Variants in DUSP10 observed in about 807,000 individuals in gnomAD.
DUSP10 encodes dual specificity phosphatase 10.
Under a neutral mutation model 30.8 loss-of-function variants are expected in DUSP10, and 14 were observed. The ratio of observed to expected loss-of-function variants is 0.46; its 90% CI spans 0.30 to 0.71. The LOEUF (loss-of-function observed/expected upper bound fraction) is 0.71, where lower values mean the gene tolerates loss of function less well. Among genes scored for constraint, DUSP10 ranks in the 30% least tolerant of loss-of-function variants. DUSP10 has a pLI of 0.08. For missense variants in DUSP10, 550 were observed against 619.4 expected (o/e 0.89, Z 1.19); for synonymous variants, 254 against 250.4 (o/e 1.01, Z -0.14).
At chr1:221,733,192 C>T (rs1396516441) in intron 2 of DUSP10, among the ~76,000 whole-genome samples, 3 of 152,202 alleles carry the variant, frequency 2.0e-5, no homozygotes, top group Non-Finnish European at 4.4e-5. Context: ...AGGGTGTATG[C>T]ACCAGGAGTA....
intron 2 of DUSP10, among the ~76,000 whole-genome samples, chr1:221,717,270 C>T (rs1661133027): frequency 6.6e-6 from 1 of 151,942 alleles, no homozygotes; most frequent in South Asian, 2.1e-4. Flanking sequence ...TGGGGAGGCA[C>T]AATGACTGGG....
Position 221,702,266 on chromosome 1 carries a change from A to C in DUSP10, c.*146T>G. 9 of 920,878 alleles carry C rather than the reference A, an allele frequency of 9.8e-6. No homozygotes were observed. The South Asian group carries it at 1.5e-4, about 16-fold the overall frequency. 57.0% of individuals were successfully genotyped at this position (920,878 alleles called of 1,614,324 possible). On this transcript the variant is annotated 3_prime_UTR_variant, in exon 4 of 4. Coordinates refer to ENST00000366899, the MANE Select transcript of DUSP10 (RefSeq NM_007207.6). The surrounding 1 kb of genome is among the most constrained non-coding windows in gnomAD (Gnocchi z 4.5). The stretch of plus-strand genomic sequence containing the variant: ...AGTTATAGTCTTCTTACACTTGTTA[A>C]AAATAAAGTGTTTAAACAAGTTTGT...
chr1:221,729,404 G>C (rs898220760), intron 2 of DUSP10, among the ~76,000 whole-genome samples: 1 of 152,212 alleles, frequency 6.6e-6, no homozygotes, highest in South Asian at 2.1e-4. Flanking sequence ...TAAGGAATGA[G>C]ACTTGCAAAT....
intron 2 of DUSP10, among the ~76,000 whole-genome samples, chr1:221,708,922 A>C (rs1175042375): frequency 6.6e-6 from 1 of 151,892 alleles, no homozygotes; most frequent in Non-Finnish European, 1.5e-5. Context: ...ATTCAAAAGA[A>C]GGCTCTAAAA....
In DUSP10 at chr1:221,739,079, C is replaced by T. The variant is rs1367262439; in HGVS notation, c.666G>A (p.Lys222=). 1 of 1,614,172 alleles carries T rather than the reference C, an allele frequency of 6.2e-7. No individual in the cohort carries two copies. Among genetic ancestry groups the T allele is most frequent in the Admixed American group, 1.7e-5 (1 of 60,028 alleles). The part of the protein sequence containing the change: ...VLDLISCREG[K]DSFKRIFSKE... Reference sequence around the variant, plus strand: ...TGGAAAAGATCCTCTTGAAAGAGTCCTTGCCTTCCCTACAGGAAATCAAGT... The same window carrying T: ...TGGAAAAGATCCTCTTGAAAGAGTCTTTGCCTTCCCTACAGGAAATCAAGT... Residue 222 remains lysine (K), a synonymous_variant, in exon 2 of 4, where the codon AAG becomes AAA. Coordinates refer to ENST00000366899, the MANE Select transcript of DUSP10 (RefSeq NM_007207.6).
intron 3 of DUSP10, among the ~76,000 whole-genome samples, chr1:221,704,426 T>C (rs1429491269): frequency 6.6e-6 from 1 of 152,130 alleles, no homozygotes; most frequent in Non-Finnish European, 1.5e-5. Flanking sequence ...ACTCATTAAA[T>C]AGAAAACAAT....
At chr1:221,721,320 A>G (rs2102634087) in intron 2 of DUSP10, among the ~76,000 whole-genome samples, 1 of 152,290 alleles carries the variant, frequency 6.6e-6, no homozygotes, top group South Asian at 2.1e-4. Context: ...GATTTGATTG[A>G]AAAAAATAGT....
At chr1:221,718,378 T>C (rs1473298461) in intron 2 of DUSP10, among the ~76,000 whole-genome samples, 2 of 152,146 alleles carry the variant, frequency 1.3e-5, no homozygotes, top group African/African-American at 2.4e-5. Context: ...GAGGCTACTC[T>C]ATACCATGTT....
intron 2 of DUSP10, chr1:221,737,284 AGAG>A (rs1431765480): frequency 3.0e-6 from 3 of 985,326 alleles, no homozygotes; most frequent in Non-Finnish European, 3.6e-6. Context: ...GCGTGAGAAA[AGAG>A]GAGATCATCA....
chr1:221,737,624 C>T lies in DUSP10; in HGVS notation c.811+1310G>A, dbSNP rs550922373. On this transcript the variant is annotated intron_variant, in intron 2 of 3. Coordinates refer to ENST00000366899, the MANE Select transcript of DUSP10 (RefSeq NM_007207.6). ...TCTCCTTCCCAGCAAAGCCCACCAG[C>T]CCTAAGGAGAGATGTGCCTTTGTGG... is the stretch of plus-strand genomic sequence containing the variant. Among the ~76,000 whole-genome samples, 5 of 152,322 alleles carry T rather than the reference C, an allele frequency of 3.3e-5. No homozygotes were observed. The East Asian group carries it at 9.6e-4, about 29-fold the overall frequency.
At chr1:221,729,469 C>T (rs182591662) in intron 2 of DUSP10, among the ~76,000 whole-genome samples, 74 of 152,282 alleles carry the variant, frequency 4.9e-4, no homozygotes, top group African/African-American at 1.6e-3. Context: ...AACTGGATTT[C>T]AATCCTTATT....
intron 2 of DUSP10, among the ~76,000 whole-genome samples, chr1:221,731,104 TAC>T: frequency 6.6e-6 from 1 of 152,316 alleles, no homozygotes; most frequent in Non-Finnish European, 1.5e-5. Flanking sequence ...ATATAGAGTC[TAC>T]AGTATATATA....
chr1:221,709,199 G>A (rs978166011), intron 2 of DUSP10, among the ~76,000 whole-genome samples: 3 of 152,126 alleles, frequency 2.0e-5, no homozygotes, highest in Middle Eastern at 3.2e-3. Flanking sequence ...CTCTTTGAGT[G>A]CAAACAATAC....
chr1:221,715,586 G>A (rs1182250839), intron 2 of DUSP10, among the ~76,000 whole-genome samples: 1 of 152,218 alleles, frequency 6.6e-6, no homozygotes. Flanking sequence ...GAATAACACA[G>A]GCAGATTGTT....
chr1:221,711,243 ATG>A (rs1392959088), intron 2 of DUSP10, among the ~76,000 whole-genome samples: 1 of 152,260 alleles, frequency 6.6e-6, no homozygotes, highest in East Asian at 1.9e-4. Flanking sequence ...GTCCTCTGTA[ATG>A]TGATTCAGAA....
intron 1 of DUSP10, among the ~76,000 whole-genome samples, chr1:221,740,000 G>C (rs1352405138): frequency 6.6e-6 from 1 of 152,196 alleles, no homozygotes; most frequent in East Asian, 1.9e-4. Flanking sequence ...CTAAGTCTAA[G>C]GTTAAATTTG....
intron 2 of DUSP10, among the ~76,000 whole-genome samples, chr1:221,730,019 T>C (rs1661536624): frequency 6.6e-6 from 1 of 152,158 alleles, no homozygotes; most frequent in South Asian, 2.1e-4. Flanking sequence ...AGAAGATATG[T>C]TGCTGTCACC....
In DUSP10 at chr1:221,706,447, C is replaced by T. The variant is rs767093804; in HGVS notation, c.831G>A (p.Lys277=). ...TGTCACAGAGGTTTTCATGGTTCTGCTTAAAACTACTAAGTCCACCTAGAA... is the reference window on the plus strand; with the variant it reads ...TGTCACAGAGGTTTTCATGGTTCTGTTTAAAACTACTAAGTCCACCTAGAA... ...LVLKGGLSSF[K]QNHENLCDNS... is the part of the protein sequence containing the mutation. The change falls in exon 3 of 4, where the codon AAG becomes AAA. Residue 277 remains lysine (K), a synonymous_variant. Coordinates refer to ENST00000366899, the MANE Select transcript of DUSP10 (RefSeq NM_007207.6). This position sits in a 1 kb window ranked among gnomAD's most constrained non-coding sequence, Gnocchi z 4.6. 2.6e-6 allele frequency: 4 copies of T among 1,519,446 alleles called. No homozygotes were observed. Among genetic ancestry groups the T allele is most frequent in the Non-Finnish European group, 3.5e-6 (4 of 1,134,044 alleles). The allele number at this position is 1,519,446 out of a possible 1,614,324, so 94.1% of individuals were successfully genotyped here.
At chr1:221,708,265 T>C (rs1177927301) in intron 2 of DUSP10, among the ~76,000 whole-genome samples, 1 of 152,174 alleles carries the variant, frequency 6.6e-6, no homozygotes, top group African/African-American at 2.4e-5. Flanking sequence ...AGGAAGTCTA[T>C]CTGTCCACTA....
Sources: allele counts gnomAD v4.1 joint callset (sites outside exome capture counted in the v4.1 genomes callset), GRCh38; gene constraint gnomAD v4.1.1; non-coding constraint Gnocchi (gnomAD v3.1); transcripts MANE v1.5; gene names NCBI Gene and HGNC (gene_info 2026-07-23, HGNC 2026-07-21).